MAPK1IP1L: variants seen among roughly 807,000 people sequenced by gnomAD.
The protein encoded by MAPK1IP1L is MAPK-interacting and spindle-stabilizing protein-like.
A neutral mutation model predicts 18.1 loss-of-function variants in MAPK1IP1L; 10 were observed. The ratio of observed to expected loss-of-function variants is 0.55; its 90% CI spans 0.34 to 0.94. The LOEUF (loss-of-function observed/expected upper bound fraction) is 0.94, where lower values mean the gene tolerates loss of function less well. MAPK1IP1L is among the 40% of genes least tolerant of loss of function. The pLI, the probability that MAPK1IP1L is intolerant of heterozygous loss-of-function variation, is 0.02. For missense variants in MAPK1IP1L, 260 were observed against 318.2 expected (o/e 0.82, Z 1.39); for synonymous variants, 115 against 117.3 (o/e 0.98, Z 0.13).
Position 55,062,893 on chromosome 14 carries a change from T to A in MAPK1IP1L, c.294T>A (p.Pro98=). The change falls in exon 3 of 4, where the codon CCT becomes CCA. Residue 98 remains proline (P), a synonymous_variant. Transcript: ENST00000395468. The stretch of plus-strand genomic sequence containing the variant: ...CTTCCGGACCATCATGTCCCCCACC[T>A]GGTGGTCCTTATCCAGCCCCAACTG... ...FPPSGPSCPP[P]GGPYPAPTVP... 18 of 1,614,084 alleles carry A rather than the reference T, an allele frequency of 1.1e-5. No individual in the cohort carries two copies. Among genetic ancestry groups the A allele is most frequent in the Non-Finnish European group, 1.5e-5 (18 of 1,179,992 alleles).
rs1388551494 is a variant in MAPK1IP1L, at chr14:55,063,325, T to C, written c.726T>C (p.His242=). The change falls in exon 3 of 4, where the codon CAT becomes CAC. Residue 242 remains histidine, a splice_region_variant and synonymous_variant. Transcript: ENST00000395468. ...CTCCACCAATGCCTGGTGGCCCCCA[T>C]GTGAGTGTTCAATTTGTTATTTAAA... The part of the protein sequence containing the change: ...SGAPPMPGGP[H]SYH 2 of 1,600,666 alleles carry C rather than the reference T, an allele frequency of 1.2e-6. No individual in the cohort carries two copies. The highest frequency in any genetic ancestry group is 2.7e-5 in the African/African-American group (2 of 74,500).
intron 1 of MAPK1IP1L, among the ~76,000 whole-genome samples, chr14:55,058,262 T>G (rs1160158091): frequency 1.3e-5 from 2 of 152,212 alleles, no homozygotes; most frequent in African/African-American, 4.8e-5. Context: ...CAGCTGAGAC[T>G]TTTTGTTTTT....
chr14:55,051,905 G>C, intron 1 of MAPK1IP1L, 102 bp downstream of exon 1: 1 of 413,256 alleles, frequency 2.4e-6, no homozygotes, highest in South Asian at 1.7e-5. Context: ...CGCGGTGACC[G>C]AGGTGCATCG....
intron 1 of MAPK1IP1L, 116 bp downstream of exon 1, chr14:55,051,919 C>T (rs2042731702): frequency 5.0e-6 from 2 of 403,066 alleles, no homozygotes; most frequent in Non-Finnish European, 4.9e-6. Context: ...TGCATCGAGT[C>T]ACGTCCAGTG....
At chr14:55,061,507 G>C (rs866008200) in intron 1 of MAPK1IP1L, among the ~76,000 whole-genome samples, 173 bp from the exon 2 acceptor site, 2 of 152,174 alleles carry the variant, frequency 1.3e-5, no homozygotes, top group Admixed American at 6.5e-5. Context: ...TAATAGAGCT[G>C]TATGAACTAT....
At position 55,064,544 on chromosome 14, in the gene MAPK1IP1L, A is replaced by G. The variant is rs2042847071; in HGVS notation, c.727-72A>G. 3.0e-6 allele frequency: 4 copies of G among 1,334,130 alleles called. No homozygotes were observed. In the Admixed American group the frequency reaches 7.0e-5, roughly 23 times the overall value. 82.6% of individuals were successfully genotyped at this position (1,334,130 alleles called of 1,614,324 possible). On this transcript the variant is annotated intron_variant, in intron 3 of 3. Transcript: ENST00000395468. ...ATTTATTAAGCAATAAATTTACTTT[A>G]AGCCACAGTAAGGAGTTAATAAACT...
chr14:55,053,278 A>C (rs2042744901), intron 1 of MAPK1IP1L, among the ~76,000 whole-genome samples: 1 of 152,236 alleles, frequency 6.6e-6, no homozygotes, highest in South Asian at 2.1e-4. Context: ...TCAAGTTTGG[A>C]GAGTTGGACT....
At chr14:55,052,704 A>C (rs2042740615) in intron 1 of MAPK1IP1L, among the ~76,000 whole-genome samples, 1 of 152,186 alleles carries the variant, frequency 6.6e-6, no homozygotes, top group Admixed American at 6.5e-5. Context: ...ACATTTCATA[A>C]GTTCTTTGTT....
chr14:55,069,350 T>C lies in MAPK1IP1L; in HGVS notation c.*4723T>C, dbSNP rs1249907875. 6.6e-6 allele frequency: 1 copy of C among 152,664 alleles called. No individual in the cohort carries two copies. The highest frequency in any genetic ancestry group is 1.9e-4 in the East Asian group (1 of 5,206). The allele number at this position is 152,664 out of a possible 1,614,324, so 9.5% of individuals were successfully genotyped here. A position where few individuals can be genotyped will look rare whatever the true frequency, so the allele number is the denominator to read the frequency against. ...ATACATATGTTTGTATTATAAATTG[T>C]AAGCAATCAGTTTGAGATACTAGGT... On this transcript the variant is annotated 3_prime_UTR_variant, in exon 4 of 4. Coordinates refer to ENST00000395468, the MANE Select transcript of MAPK1IP1L (RefSeq NM_144578.4).
chr14:55,051,719 G>A lies in MAPK1IP1L; in HGVS notation c.-89G>A, dbSNP rs1483870867. ...GCCGCCGCTGCTCTAGCTGCCGTCA[G>A]TCAGGCTGCGCCCGCGTCTTCAGGG... On this transcript the variant is annotated 5_prime_UTR_variant, in exon 1 of 4. Transcript: ENST00000395468. 1.9e-6 allele frequency: 1 copy of A among 516,208 alleles called. No individual in the cohort carries two copies. Among genetic ancestry groups the A allele is most frequent in the African/African-American group, 1.9e-5 (1 of 51,558 alleles). The allele number at this position is 516,208 out of a possible 1,614,324, so 32.0% of individuals were successfully genotyped here.
At chr14:55,052,180 C>T (rs2042735393) in intron 1 of MAPK1IP1L, among the ~76,000 whole-genome samples, 1 of 149,472 alleles carries the variant, frequency 6.7e-6, no homozygotes, top group African/African-American at 2.4e-5. Context: ...CCGGTTGATC[C>T]CGGACTCCCT....
rs539010518 is a variant in MAPK1IP1L at position 55,056,804 on chromosome 14, C to T, written c.-4-4876C>T. On this transcript the variant is annotated intron_variant, in intron 1 of 3. Coordinates refer to ENST00000395468, the MANE Select transcript of MAPK1IP1L (RefSeq NM_144578.4). ...GATTACAGGCGTGAGCCACCGCGCC[C>T]GGCCATGTTTTTTGATATTCTGAAT... Among the ~76,000 whole-genome samples the T allele has an allele frequency of 1.4e-4, 22 of 152,258 alleles. 1 individual carries two copies. In the East Asian group the frequency reaches 3.5e-3, roughly 24 times the overall value.
At position 55,069,183 on chromosome 14, in the gene MAPK1IP1L, T is replaced by C. The variant is rs568746162; in HGVS notation, c.*4556T>C. The stretch of plus-strand genomic sequence containing the variant: ...ACTGACTTGTTGCCATTAAGTGAAC[T>C]TGACTTCTTATGTGTGCTCTATGAG... On this transcript the variant is annotated 3_prime_UTR_variant, in exon 4 of 4. Transcript: ENST00000395468. 5.2e-5 allele frequency: 8 copies of C among 152,474 alleles called. No individual in the cohort carries two copies. Among genetic ancestry groups the C allele is most frequent in the Non-Finnish European group, 8.8e-5 (6 of 68,038 alleles). 9.4% of individuals were successfully genotyped at this position (152,474 alleles called of 1,614,324 possible). A position where few individuals can be genotyped will look rare whatever the true frequency, so the allele number is the denominator to read the frequency against.
rs551992781 is a variant in MAPK1IP1L at position 55,061,604 on chromosome 14, T to C, written c.-4-76T>C. The C allele has an allele frequency of 2.4e-5, 25 of 1,032,544 alleles. No individual in the cohort carries two copies. In the African/African-American group the frequency reaches 4.0e-4, roughly 17 times the overall value. 64.0% of individuals were successfully genotyped at this position (1,032,544 alleles called of 1,614,324 possible). A position where few individuals can be genotyped will look rare whatever the true frequency, so the allele number is the denominator to read the frequency against. On this transcript the variant is annotated intron_variant, in intron 1 of 3. Transcript: ENST00000395468. ...TAATAATGTATGCATAGAAAGTTCCTTAAGGAATATTTAAGAAATGGTGAA... is the reference window on the plus strand; with the variant it reads ...TAATAATGTATGCATAGAAAGTTCCCTAAGGAATATTTAAGAAATGGTGAA...
At chr14:55,056,377 A>G (rs775584526) in intron 1 of MAPK1IP1L, among the ~76,000 whole-genome samples, 3 of 152,248 alleles carry the variant, frequency 2.0e-5, no homozygotes, top group Non-Finnish European at 2.9e-5. Flanking sequence ...TATTTCAGAA[A>G]GGCTAACCCT....
chr14:55,063,671 T>G (rs2042838404), intron 3 of MAPK1IP1L, among the ~76,000 whole-genome samples: 1 of 152,182 alleles, frequency 6.6e-6, no homozygotes. Flanking sequence ...TTTTATAGCA[T>G]CACACCAAAG....
rs2042854569 is a variant in MAPK1IP1L at position 55,065,423 on chromosome 14, A to G, written c.*796A>G. ...CTTTGGGAAGAGCTCGAGGAAGGAA[A>G]TAATTCTCTCCTTTGTTTTGAACCT... On this transcript the variant is annotated 3_prime_UTR_variant, in exon 4 of 4. Coordinates refer to ENST00000395468, the MANE Select transcript of MAPK1IP1L (RefSeq NM_144578.4). 1 of 152,230 alleles carries G rather than the reference A, an allele frequency of 6.6e-6. No individual in the cohort carries two copies. The highest frequency in any genetic ancestry group is 1.5e-5 in the Non-Finnish European group (1 of 68,048). 9.4% of individuals were successfully genotyped at this position (152,230 alleles called of 1,614,324 possible). A position where few individuals can be genotyped will look rare whatever the true frequency, so the allele number is the denominator to read the frequency against.
At position 55,063,027 on chromosome 14, in the gene MAPK1IP1L, G is replaced by T. The variant is rs1451052228; in HGVS notation, c.428G>T (p.Gly143Val). ...GATCCAGCTGCAGCTGGTCCTTTAG[G>T]TCCATGGGGATCCATGTCTTCTGGA... ...PTDPAAAGPL[G>V]PWGSMSSGPW... The change falls in exon 3 of 4, where the codon GGT (glycine) becomes GTT (valine). Residue 143 changes from glycine to valine, a missense_variant. Gly to Val is a moderately radical substitution (Grantham distance 109). Coordinates refer to ENST00000395468, the MANE Select transcript of MAPK1IP1L (RefSeq NM_144578.4). 6.2e-7 allele frequency: 1 copy of T among 1,613,846 alleles called. No homozygotes were observed. The highest frequency in any genetic ancestry group is 1.7e-5 in the Admixed American group (1 of 59,980).
chr14:55,061,340 T>A (rs185121132), intron 1 of MAPK1IP1L, among the ~76,000 whole-genome samples: 48 of 152,344 alleles, frequency 3.2e-4, no homozygotes, highest in Non-Finnish European at 1.6e-4. Flanking sequence ...CCATGTCCAG[T>A]GCTTTTTCCT....
Sources: gnomAD v4.1 joint callset for allele counts (sites outside exome capture counted in the v4.1 genomes callset) on GRCh38, gnomAD v4.1.1 for gene constraint, MANE v1.5 for transcripts, NCBI Gene and HGNC (gene_info 2026-07-23, HGNC 2026-07-21) for gene names.